TGM6: variants seen among roughly 807,000 people sequenced by gnomAD.
TGM6 encodes transglutaminase 6.
In TGM6, 74 loss-of-function variants were observed where a neutral mutation model predicts 77.5. The observed-to-expected ratio is 0.96, with a 90% CI of 0.79 to 1.16. TGM6 has a LOEUF of 1.16. TGM6 is among the 50% of genes most tolerant of loss of function. TGM6 has a pLI of 0.00. For synonymous variants in TGM6, 383 were observed against 378.9 expected, an observed-to-expected ratio of 1.01 and a Z score of -0.12; for missense variants, 968 against 940.2, an observed-to-expected ratio of 1.03 and a Z score of -0.39.
At chr20:2,422,949 CA>C (rs3050737) in intron 10 of TGM6, among the ~76,000 whole-genome samples, 189 of 113,364 alleles carry the variant, frequency 1.7e-3, no homozygotes, top group Middle Eastern at 4.9e-3. Flanking sequence ...GACTCTTTCT[CA>C]AAAAAAAAAA....
intron 1 of TGM6, among the ~76,000 whole-genome samples, chr20:2,387,210 C>T (rs1409120197): frequency 1.3e-5 from 2 of 152,206 alleles, no homozygotes; most frequent in East Asian, 1.9e-4. Context: ...GAGGGTCCTG[C>T]TTGTGTTTTC....
rs78703425 is a variant in TGM6 at position 2,406,853 on chromosome 20, A to C, written c.1336+3030A>C. Among the ~76,000 whole-genome samples the C allele has an allele frequency of 1.0e-3, 137 of 133,080 alleles. 8 individuals carry two copies. The highest frequency in any genetic ancestry group is 3.9e-3 in the African/African-American group (132 of 33,438). The allele number at this position is 133,080 out of a possible 152,430, so 87.3% of individuals were successfully genotyped here. ...CCTCAAAAAAAAAAAAAAAAAAAAA[A>C]AAAAAAAAAAAAACCATGGCCACAG... is the stretch of plus-strand genomic sequence containing the variant. On this transcript the variant is annotated intron_variant, in intron 9 of 12. Transcript: ENST00000202625.
chr20:2,400,399 A>G lies in TGM6; in HGVS notation c.944A>G (p.Asp315Gly). Residue 315 changes from aspartate to glycine, a missense_variant, in exon 7 of 13, where the codon GAC becomes GGC. Transcript: ENST00000202625. ...AACCTGAGTGTGGACAAATACGTGG[A>G]CTCCTTCGGGCGGACCCTGGAGGAC... is the stretch of plus-strand genomic sequence containing the variant. ...DQNLSVDKYV[D>G]SFGRTLEDLT... The G allele has an allele frequency of 6.2e-7, 1 of 1,613,998 alleles. No homozygotes were observed. The highest frequency in any genetic ancestry group is 1.1e-5 in the South Asian group (1 of 91,082).
rs1009482417 is a variant in TGM6 at position 2,400,318 on chromosome 20, T to C, written c.863T>C (p.Leu288Ser). Residue 288 changes from leucine to serine, a missense_variant, in exon 7 of 13, where the codon TTG becomes TCG. Leu to Ser is a moderately radical substitution (Grantham distance 145, BLOSUM62 -2). Coordinates refer to ENST00000202625, the MANE Select transcript of TGM6 (RefSeq NM_198994.3). ...CTCTGCTCTGCAGTCCTCAGGTGCT[T>C]GGGGATAGCCACACGGGTCGTGTCC... ...AGVLCTVLRC[L>S]GIATRVVSNF... 1 of 1,614,086 alleles carries C rather than the reference T, an allele frequency of 6.2e-7. No individual in the cohort carries two copies. Among genetic ancestry groups the C allele is most frequent in the Non-Finnish European group, 8.5e-7 (1 of 1,180,004 alleles).
chr20:2,415,005 A>G lies in TGM6; in HGVS notation c.1337-2227A>G, dbSNP rs150818459. ...GGGTGCACAATTCTGTGAACTACTA[A>G]GAAACATTGAATTGCACTCTTAAAA... On this transcript the variant is annotated intron_variant, in intron 9 of 12. Transcript: ENST00000202625. Among the ~76,000 whole-genome samples the G allele has an allele frequency of 2.3e-3, 347 of 152,140 alleles. 2 individuals are homozygous for G. The highest frequency in any genetic ancestry group is 8.1e-3 in the African/African-American group (335 of 41,478).
chr20:2,427,673 A>G (rs1221522616), intron 10 of TGM6, among the ~76,000 whole-genome samples: 6 of 152,136 alleles, frequency 3.9e-5, no homozygotes, highest in Non-Finnish European at 8.8e-5. Flanking sequence ...TATCATATGT[A>G]TTGAATATTA....
chr20:2,381,822 G>A (rs893311375), intron 1 of TGM6, among the ~76,000 whole-genome samples: 1 of 152,174 alleles, frequency 6.6e-6, no homozygotes, highest in Non-Finnish European at 1.5e-5. Flanking sequence ...GGAGGCTGAG[G>A]TGAGAGGATC....
chr20:2,403,793 G>T lies in TGM6; in HGVS notation c.1306G>T (p.Asp436Tyr). The T allele has an allele frequency of 1.9e-6, 3 of 1,614,146 alleles. No homozygotes were observed. Among genetic ancestry groups the T allele is most frequent in the Non-Finnish European group, 2.5e-6 (3 of 1,180,034 alleles). Residue 436 changes from aspartate (D) to tyrosine (Y), a missense_variant, in exon 9 of 13, where the codon GAC becomes TAC. Asp to Tyr is a radical substitution (Grantham distance 160). Transcript: ENST00000202625. ...GGCGGTGGGCAGTGACTCCCGCGTG[G>T]ACATCACTGACCTCTACAAGTATCC... The part of the protein sequence containing the change: ...TKAVGSDSRV[D>Y]ITDLYKYPEG...
At chr20:2,416,650 G>C (rs994666435) in intron 9 of TGM6, among the ~76,000 whole-genome samples, 4 of 152,216 alleles carry the variant, frequency 2.6e-5, no homozygotes, top group African/African-American at 9.6e-5. Flanking sequence ...ATGTCTTATA[G>C]AGAAGTGCTT....
chr20:2,416,904 T>C (rs1473279548), intron 9 of TGM6, among the ~76,000 whole-genome samples: 1 of 152,042 alleles, frequency 6.6e-6, no homozygotes, highest in Non-Finnish European at 1.5e-5. Context: ...CTGTTAAATG[T>C]GGGTGATGAT....
intron 1 of TGM6, among the ~76,000 whole-genome samples, chr20:2,388,143 G>C (rs1231910337): frequency 1.3e-5 from 2 of 152,232 alleles, no homozygotes; most frequent in African/African-American, 2.4e-5. Context: ...TCTGCAATGA[G>C]AGGAGTATCA....
chr20:2,393,239 C>G (rs1370795592), intron 1 of TGM6, among the ~76,000 whole-genome samples: 1 of 152,274 alleles, frequency 6.6e-6, no homozygotes, highest in Non-Finnish European at 1.5e-5. Context: ...CCAGCTGAAG[C>G]TGAACAGGCA....
chr20:2,423,538 T>C (rs2084869855), intron 10 of TGM6, among the ~76,000 whole-genome samples: 1 of 152,228 alleles, frequency 6.6e-6, no homozygotes, highest in Admixed American at 6.5e-5. Context: ...TAGGCTGCAC[T>C]CTAATTCTCT....
intron 9 of TGM6, among the ~76,000 whole-genome samples, chr20:2,406,694 G>A (rs1467634488): frequency 6.6e-6 from 1 of 151,374 alleles, no homozygotes; most frequent in Non-Finnish European, 1.5e-5. Context: ...AATTAGCCAG[G>A]CATGGTGGCC....
At chr20:2,396,916 C>T (rs1010909243) in intron 4 of TGM6, among the ~76,000 whole-genome samples, 1 of 151,946 alleles carries the variant, frequency 6.6e-6, no homozygotes, top group African/African-American at 2.4e-5. Flanking sequence ...ACATCAGAAT[C>T]CCAGGAGGGA....
chr20:2,405,074 G>T (rs138888838), intron 9 of TGM6, among the ~76,000 whole-genome samples: 9 of 152,350 alleles, frequency 5.9e-5, no homozygotes, highest in African/African-American at 2.2e-4. Context: ...TCTCCAGGTG[G>T]TGCTGGCTGG....
rs769865340 is a variant in TGM6, at chr20:2,430,575, C to A, written c.1808C>A (p.Thr603Asn). Residue 603 changes from threonine (T) to asparagine (N), a missense_variant, in exon 11 of 13, where the codon ACT becomes AAT. By Grantham distance (65) the Thr-to-Asn change is moderately conservative (BLOSUM62 0). Coordinates refer to ENST00000202625, the MANE Select transcript of TGM6 (RefSeq NM_198994.3). ...AAGCTTCTGGTGGAGAAGGACATTA[C>A]TCTAGAGGACTTCATCACCATCAAG... ...GEKLLVEKDI[T>N]LEDFITIKVL... The A allele has an allele frequency of 6.2e-7, 1 of 1,614,178 alleles. No individual in the cohort carries two copies.
intron 10 of TGM6, among the ~76,000 whole-genome samples, chr20:2,419,167 G>C (rs6137972): frequency 0.19 from 28,707 of 151,998 alleles, 2,865 homozygotes; most frequent in East Asian, 0.27. Flanking sequence ...TTCCCTGTCT[G>C]TCTCTCTGTC....
intron 9 of TGM6, among the ~76,000 whole-genome samples, chr20:2,405,406 G>A (rs566416444): frequency 2.6e-4 from 40 of 152,296 alleles, no homozygotes; most frequent in Middle Eastern, 3.4e-3. Flanking sequence ...TAGTCTCTAC[G>A]GGATGTGGTT....
Sources: gnomAD v4.1 joint callset for allele counts (sites outside exome capture counted in the v4.1 genomes callset) on GRCh38, gnomAD v4.1.1 for gene constraint, MANE v1.5 for transcripts, NCBI Gene and HGNC (gene_info 2026-07-23, HGNC 2026-07-21) for gene names.